Variants in NOSTRIN observed in about 807,000 individuals in gnomAD.
The protein encoded by NOSTRIN is BM247 homolog.
NOSTRIN carries 63 observed loss-of-function variants against 59.0 expected under a neutral mutation model. That is an observed-to-expected ratio of 1.07 (90% CI 0.87 to 1.32). The LOEUF (loss-of-function observed/expected upper bound fraction) is 1.32. Among genes scored for constraint, NOSTRIN ranks in the 40% most tolerant of loss-of-function variants. NOSTRIN has a pLI of 0.00. For synonymous variants in NOSTRIN, 200 were observed against 165.4 expected (o/e 1.21, Z -1.61); for missense variants, 512 against 473.1 (o/e 1.08, Z -0.76).
intron 10 of NOSTRIN, among the ~76,000 whole-genome samples, chr2:168,854,948 C>A (rs1190982720): frequency 2.0e-5 from 3 of 152,178 alleles, no homozygotes; most frequent in Admixed American, 1.3e-4. Context: ...TCTTCCACTC[C>A]TGAGGCAGTC....
At chr2:168,840,053 A>C (rs1489915489) in intron 7 of NOSTRIN, among the ~76,000 whole-genome samples, 8 of 151,894 alleles carry the variant, frequency 5.3e-5, no homozygotes, top group African/African-American at 1.9e-4. Context: ...ATTAATGGTG[A>C]TCTCAAAAGC....
intron 1 of NOSTRIN, among the ~76,000 whole-genome samples, chr2:168,809,718 ATATAT>A (rs1184665336): frequency 1.4e-5 from 2 of 148,116 alleles, no homozygotes; most frequent in African/African-American, 4.9e-5. Flanking sequence ...ATAATAATAA[ATATAT>A]TATTATATTA....
chr2:168,819,248 G>A (rs542743020), intron 2 of NOSTRIN, among the ~76,000 whole-genome samples: 1 of 152,092 alleles, frequency 6.6e-6, no homozygotes, highest in African/African-American at 2.4e-5. Flanking sequence ...CATTCTAAGT[G>A]GGGTGTGCCT....
intron 1 of NOSTRIN, among the ~76,000 whole-genome samples, chr2:168,810,527 A>C (rs188729187): frequency 6.6e-6 from 1 of 152,284 alleles, no homozygotes; most frequent in East Asian, 1.9e-4. Flanking sequence ...TGCCTGCTGC[A>C]ATAGGAGGCA....
At chr2:168,823,062 G>A (rs1686844077) in intron 2 of NOSTRIN, among the ~76,000 whole-genome samples, 1 of 152,158 alleles carries the variant, frequency 6.6e-6, no homozygotes, top group African/African-American at 2.4e-5. Context: ...TGTCGCCCAG[G>A]CTAGCGTGCA....
intron 6 of NOSTRIN, 45 bp downstream of exon 6, chr2:168,831,579 T>C (rs756110490): frequency 3.6e-6 from 3 of 823,496 alleles, no homozygotes; most frequent in Non-Finnish European, 6.5e-6. Flanking sequence ...GTTTTTAGAA[T>C]TGAAGTGTTT....
At chr2:168,795,930 G>T (rs1685467270), upstream of NOSTRIN, among the ~76,000 whole-genome samples, 1 of 152,188 alleles carries the variant, frequency 6.6e-6, no homozygotes, top group South Asian at 2.1e-4. Flanking sequence ...CCATCCTGAG[G>T]CTGTGGGCAA....
In NOSTRIN at chr2:168,865,196, T is replaced by G. The variant is rs189773052; in HGVS notation, c.*226T>G. 14 of 520,892 alleles carry G rather than the reference T, an allele frequency of 2.7e-5. No homozygotes were observed. Among genetic ancestry groups the G allele is most frequent in the Admixed American group, 1.0e-4 (3 of 28,800 alleles). 32.3% of individuals were successfully genotyped at this position (520,892 alleles called of 1,614,324 possible). A position where few individuals can be genotyped will look rare whatever the true frequency, so the allele number is the denominator to read the frequency against. On this transcript the variant is annotated 3_prime_UTR_variant, in exon 16 of 16. Transcript: ENST00000317647. Reference sequence around the variant, plus strand: ...AGAGGCTCCTTGGTTCCTAGAGGAGTTTCCAAATTCTAGGAGACCCTAGAG... The same window carrying G: ...AGAGGCTCCTTGGTTCCTAGAGGAGGTTCCAAATTCTAGGAGACCCTAGAG...
intron 2 of NOSTRIN, among the ~76,000 whole-genome samples, chr2:168,823,047 T>C (rs956008305): frequency 5.3e-5 from 8 of 152,182 alleles, no homozygotes; most frequent in Non-Finnish European, 1.2e-4. Context: ...GATGGAGTTT[T>C]GCTCTGTCGC....
intron 3 of NOSTRIN, among the ~76,000 whole-genome samples, chr2:168,826,987 C>T (rs956857776): frequency 2.0e-5 from 3 of 151,932 alleles, no homozygotes; most frequent in African/African-American, 7.3e-5. Context: ...CAGGTATGCT[C>T]TTGTGCCTAA....
chr2:168,864,753 A>T, intron 15 of NOSTRIN, 81 bp from the exon 16 acceptor site: 1 of 1,512,938 alleles, frequency 6.6e-7, no homozygotes, highest in South Asian at 1.2e-5. Context: ...TTGAAGCAGA[A>T]CCTCCTTAAA....
intron 5 of NOSTRIN, among the ~76,000 whole-genome samples, chr2:168,829,461 C>A (rs1687243948): frequency 6.6e-6 from 1 of 152,162 alleles, no homozygotes; most frequent in African/African-American, 2.4e-5. Context: ...GCTGACATTA[C>A]AGGTGCCTGC....
intron 11 of NOSTRIN, chr2:168,855,772 G>T (rs1322312580): frequency 4.8e-6 from 2 of 413,194 alleles, no homozygotes; most frequent in Admixed American, 3.7e-5. Context: ...TAATGTGTTT[G>T]GTTTAAAACA....
At chr2:168,861,755 CAT>C (rs1466618655) in intron 14 of NOSTRIN, among the ~76,000 whole-genome samples, 2 of 152,172 alleles carry the variant, frequency 1.3e-5, no homozygotes, top group African/African-American at 4.8e-5. Flanking sequence ...GGTTATATAA[CAT>C]ATGCAGTCCA....
Sources: gnomAD v4.1 joint callset for allele counts (sites outside exome capture counted in the v4.1 genomes callset) on GRCh38, gnomAD v4.1.1 for gene constraint, MANE v1.5 for transcripts, NCBI Gene and HGNC (gene_info 2026-07-23, HGNC 2026-07-21) for gene names.